CHAF1A: variants seen among roughly 807,000 people sequenced by gnomAD.
CHAF1A encodes CAF-1 subunit A.
Under a neutral mutation model 93.2 loss-of-function variants are expected in CHAF1A, and 5 were observed. That is an observed-to-expected ratio of 0.05 (90% CI 0.03 to 0.11). The LOEUF (loss-of-function observed/expected upper bound fraction) is 0.11, where lower values mean the gene tolerates loss of function less well. Ranked by LOEUF, CHAF1A falls within the 10% of genes least tolerant of loss-of-function variation. The probability of loss-of-function intolerance (pLI) is 1.00; values close to 1 mark genes in which losing one functional copy is unlikely to be tolerated. For missense variants in CHAF1A, 1,102 were observed against 1,259.9 expected, an observed-to-expected ratio of 0.87 and a Z score of 1.90; for synonymous variants, 504 against 510.3, an observed-to-expected ratio of 0.99 and a Z score of 0.17.
At chr19:4,407,709 A>T (rs1973705756) in intron 2 of CHAF1A, among the ~76,000 whole-genome samples, 1 of 152,098 alleles carries the variant, frequency 6.6e-6, no homozygotes, top group Admixed American at 6.6e-5. Context: ...GCACCTTGGG[A>T]GGTGGAGGCG....
chr19:4,433,616 T>C lies in CHAF1A; in HGVS notation c.2673+77T>C. The C allele has an allele frequency of 1.6e-6, 2 of 1,229,216 alleles. No homozygotes were observed. The highest frequency in any genetic ancestry group is 5.0e-5 in the East Asian group (2 of 39,668). 76.1% of individuals were successfully genotyped at this position (1,229,216 alleles called of 1,614,324 possible). On this transcript the variant is annotated intron_variant, in intron 13 of 14. Transcript: ENST00000301280. This position sits in a 1 kb window ranked among gnomAD's most constrained non-coding sequence, Gnocchi z 5.6. ...TTGTTTTTTGTTGTTTTGTTTTTTT[T>C]TCGAGATGGAGTCCTGCTCTGTCAC...
chr19:4,402,849 C>A, intron 1 of CHAF1A, 35 bp downstream of exon 1: 3 of 1,169,342 alleles, frequency 2.6e-6, no homozygotes, highest in Non-Finnish European at 3.2e-6. Flanking sequence ...GAAGGGGGGG[C>A]GCGGCGCGCG....
In CHAF1A at chr19:4,422,465, G is replaced by T. The variant is rs762020064; in HGVS notation, c.1018-101G>T. On this transcript the variant is annotated intron_variant, in intron 4 of 14. Transcript: ENST00000301280. The surrounding 1 kb of genome is among the most constrained non-coding windows in gnomAD (Gnocchi z 4.6). ...TGCCTAGCCTTGGTCCCTCAATTCT[G>T]TTCATCCCGTCCAGGCCGTGCTGTC... 4.7e-6 allele frequency: 5 copies of T among 1,069,444 alleles called. No homozygotes were observed. The highest frequency in any genetic ancestry group is 2.9e-4 in the Middle Eastern group (1 of 3,390). The allele number at this position is 1,069,444 out of a possible 1,614,324, so 66.2% of individuals were successfully genotyped here.
At chr19:4,446,160 G>C (rs192197761), downstream of CHAF1A, 1 of 1,609,666 alleles carries the variant, frequency 6.2e-7, no homozygotes, top group Non-Finnish European at 8.5e-7. Flanking sequence ...GGACGAACCC[G>C]TACACCGCCC....
chr19:4,436,542 A>G (rs1221183391), intron 13 of CHAF1A, among the ~76,000 whole-genome samples: 1 of 152,208 alleles, frequency 6.6e-6, no homozygotes, highest in African/African-American at 2.4e-5. Flanking sequence ...GAGCAGCCTT[A>G]GAGGGAACCG....
At chr19:4,446,718 C>T (rs1327341092), downstream of CHAF1A, 3 of 1,608,482 alleles carry the variant, frequency 1.9e-6, no homozygotes, top group South Asian at 2.2e-5. Context: ...CCTCGGGGTC[C>T]TCTACAGCGT....
intron 9 of CHAF1A, 43 bp downstream of exon 9, chr19:4,429,649 T>G: frequency 6.2e-7 from 1 of 1,614,040 alleles, no homozygotes; most frequent in Non-Finnish European, 8.5e-7. Flanking sequence ...ACCTCCTCAC[T>G]GTGCCCCTTT....
downstream of CHAF1A, chr19:4,447,666 T>C (rs762539164): frequency 5.6e-6 from 9 of 1,606,022 alleles, no homozygotes; most frequent in Non-Finnish European, 6.8e-6. Context: ...CAGCCCAGGC[T>C]GCCCACCCGG....
chr19:4,433,157 G>T lies in CHAF1A; in HGVS notation c.2291G>T (p.Gly764Val), dbSNP rs1415423292. Reference protein sequence around the residue: ...IREFQEHCRRGLLSNHTGSPR... With the variant: ...IREFQEHCRRVLLSNHTGSPR... ...GAGTTCCAGGAGCACTGCCGCCGGG[G>T]ACTGCTCAGCAACCACACCGGCAGC... Residue 764 changes from glycine (G) to valine (V), a missense_variant, in exon 13 of 15, where the codon GGA becomes GTA. This residue lies in a region of CHAF1A where 335 missense variants were observed against 361.9 expected (regional missense o/e 0.93). Coordinates refer to ENST00000301280, the MANE Select transcript of CHAF1A (RefSeq NM_005483.3). This position sits in a 1 kb window ranked among gnomAD's most constrained non-coding sequence, Gnocchi z 5.6. The T allele has an allele frequency of 1.9e-6, 3 of 1,613,644 alleles. No individual in the cohort carries two copies. Among genetic ancestry groups the T allele is most frequent in the East Asian group, 2.2e-5 (1 of 44,864 alleles).
intron 3 of CHAF1A, 57 bp from the exon 4 acceptor site, chr19:4,417,961 CTT>C (rs1973924413): frequency 3.9e-6 from 5 of 1,279,224 alleles, no homozygotes; most frequent in African/African-American, 3.0e-5. Context: ...AAAGGTTTCT[CTT>C]TTTCTCGAAG....
chr19:4,419,218 A>G (rs1334641465), intron 4 of CHAF1A, among the ~76,000 whole-genome samples: 2 of 151,842 alleles, frequency 1.3e-5, no homozygotes, highest in African/African-American at 4.8e-5. Flanking sequence ...GGTTAGAGAA[A>G]TTGAACATCA....
chr19:4,404,038 C>A (rs1488229970), intron 1 of CHAF1A, among the ~76,000 whole-genome samples: 1 of 151,866 alleles, frequency 6.6e-6, no homozygotes, highest in Non-Finnish European at 1.5e-5. Context: ...GCAGGCTGGT[C>A]TCGAACTTCT....
intron 13 of CHAF1A, among the ~76,000 whole-genome samples, chr19:4,434,101 C>T (rs1008717026): frequency 1.3e-5 from 2 of 151,916 alleles, no homozygotes; most frequent in Admixed American, 6.6e-5. Context: ...AGTCTCAGCA[C>T]TTTGGGAGGC....
rs779269344 is a variant in CHAF1A at position 4,418,031 on chromosome 19, A to G, written c.972A>G (p.Lys324=). The change falls in exon 4 of 15, where the codon AAA becomes AAG. Residue 324 remains lysine (K), a synonymous_variant. Coordinates refer to ENST00000301280, the MANE Select transcript of CHAF1A (RefSeq NM_005483.3). The part of the protein sequence containing the change: ...TSTPLRRITK[K]FVKGSTEKNK... Reference sequence around the variant, plus strand: ...TCTTCTGTTTTCAGATAACTAAGAAATTCGTCAAAGGCTCTACAGAGAAGA... The same window carrying G: ...TCTTCTGTTTTCAGATAACTAAGAAGTTCGTCAAAGGCTCTACAGAGAAGA... 4.4e-6 allele frequency: 7 copies of G among 1,603,624 alleles called. No homozygotes were observed. The South Asian group carries it at 4.5e-5, about 10-fold the overall frequency.
chr19:4,416,072 A>G lies in CHAF1A; in HGVS notation c.961-1948A>G, dbSNP rs1973892301. On this transcript the variant is annotated intron_variant, in intron 3 of 14. Transcript: ENST00000301280. ...ACCTATAGTCCCAGCTACTGGGCAG[A>G]CTGAGGCAGGAGAATCGCTTGAACC... Among the ~76,000 whole-genome samples, 4 of 152,160 alleles carry G rather than the reference A, an allele frequency of 2.6e-5. No homozygotes were observed. In the South Asian group the frequency reaches 6.2e-4, roughly 24 times the overall value.
At chr19:4,404,258 CAT>C (rs973778214) in intron 1 of CHAF1A, among the ~76,000 whole-genome samples, 1 of 152,202 alleles carries the variant, frequency 6.6e-6, no homozygotes, top group Non-Finnish European at 1.5e-5. Flanking sequence ...TTTATACACA[CAT>C]ATGTGTTAAT....
At chr19:4,430,922 A>T in intron 11 of CHAF1A, 2 of 437,964 alleles carry the variant, frequency 4.6e-6, no homozygotes, top group Non-Finnish European at 8.5e-6. Flanking sequence ...GAAGGCTGGA[A>T]ACCACCCGAG....
chr19:4,423,965 C>T, intron 7 of CHAF1A, 91 bp downstream of exon 7: 1 of 1,267,234 alleles, frequency 7.9e-7, no homozygotes, highest in Non-Finnish European at 1.1e-6. Context: ...GCCAGCTTCT[C>T]TCATTAGGAG....
rs1242478073 is a variant in CHAF1A at position 4,432,206 on chromosome 19, G to C, written c.2202G>C (p.Gln734His). ...KASKRERRDE[Q>H]ILAQLLPLLH... is the part of the protein sequence containing the mutation. ...CCAAGCGGGAGAGGAGAGACGAGCA[G>C]AGTGAGTGTGGGCGGGGCCAGGCCA... is the stretch of plus-strand genomic sequence containing the variant. The change falls in exon 12 of 15, where the codon CAG (glutamine) becomes CAC (histidine). Residue 734 changes from glutamine (Q) to histidine (H), a missense_variant and splice_region_variant. By Grantham distance (24) the Gln-to-His change is conservative (BLOSUM62 0). Around this residue, in one of 6 missense-constraint regions of CHAF1A, gnomAD observed 335 missense variants for 361.9 expected, o/e 0.93. Coordinates refer to ENST00000301280, the MANE Select transcript of CHAF1A (RefSeq NM_005483.3). 3 of 1,600,378 alleles carry C rather than the reference G, an allele frequency of 1.9e-6. No individual in the cohort carries two copies. The highest frequency in any genetic ancestry group is 1.1e-5 in the South Asian group (1 of 90,632).
Sources: gnomAD v4.1 joint callset for allele counts (sites outside exome capture counted in the v4.1 genomes callset) on GRCh38, gnomAD v4.1.1 for gene constraint, gnomAD v4.1.1 regional missense constraint, Gnocchi (gnomAD v3.1) non-coding constraint, MANE v1.5 for transcripts, NCBI Gene and HGNC (gene_info 2026-07-23, HGNC 2026-07-21) for gene names.